Variants in LIPJ observed in about 807,000 individuals in gnomAD.
LIPJ encodes lipase member J.
In LIPJ, 33 loss-of-function variants were observed where a neutral mutation model predicts 39.8. The ratio of observed to expected loss-of-function variants is 0.83; its 90% CI spans 0.63 to 1.11. The LOEUF (loss-of-function observed/expected upper bound fraction) is 1.11, where lower values mean the gene tolerates loss of function less well. Ranked by LOEUF, LIPJ falls within the 50% of genes least tolerant of loss-of-function variation. The probability of loss-of-function intolerance (pLI) is 0.00; values close to 1 mark genes in which losing one functional copy is unlikely to be tolerated. For synonymous variants in LIPJ, 128 were observed against 139.2 expected (o/e 0.92, Z 0.57); for missense variants, 422 against 427.9 (o/e 0.99, Z 0.12).
intron 8 of LIPJ, among the ~76,000 whole-genome samples, chr10:88,599,009 A>T (rs924745309): frequency 1.4e-5 from 2 of 141,718 alleles, no homozygotes; most frequent in Admixed American, 1.4e-4. Flanking sequence ...TTATATTATA[A>T]TAATATATTA....
At chr10:88,603,321 C>T (rs887760188) in intron 9 of LIPJ, among the ~76,000 whole-genome samples, 2 of 152,254 alleles carry the variant, frequency 1.3e-5, no homozygotes, top group South Asian at 2.1e-4. Flanking sequence ...TACTCTGAAA[C>T]GCTTTCACTA....
rs12784152 is a variant in LIPJ at position 88,597,735 on chromosome 10, G to A, written c.723+799G>A. On this transcript the variant is annotated intron_variant, in intron 8 of 10. Transcript: ENST00000371939. The stretch of plus-strand genomic sequence containing the variant: ...GAATGCTATAAGAAACTCAGTTCTC[G>A]TCTTTTCCACCCATAAAGATATGAG... Among the ~76,000 whole-genome samples the A allele has an allele frequency of 3.6e-3, 553 of 151,932 alleles. 3 individuals are homozygous for A. Among genetic ancestry groups the A allele is most frequent in the Non-Finnish European group, 5.9e-3 (401 of 67,860 alleles).
Position 88,590,570 on chromosome 10 carries a change from C to A in LIPJ, c.-103-15C>A, listed in dbSNP as rs1043239438. ...TGCAATTTTAACTGTATAAACATCT[C>A]CCTTTTATATATAGGTCCCAAACGT... On this transcript the variant is annotated splice_polypyrimidine_tract_variant and intron_variant, in intron 2 of 10. Transcript: ENST00000371939. 2 of 768,216 alleles carry A rather than the reference C, an allele frequency of 2.6e-6. No homozygotes were observed. The highest frequency in any genetic ancestry group is 5.1e-5 in the East Asian group (2 of 39,148). 47.6% of individuals were successfully genotyped at this position (768,216 alleles called of 1,614,324 possible).
chr10:88,583,230 G>C (rs112741258), upstream of LIPJ: 4 of 1,608,902 alleles, frequency 2.5e-6, no homozygotes, highest in Non-Finnish European at 8.5e-7. Context: ...TCTCTGCGGC[G>C]GGGCCGTTCG....
intron 2 of LIPJ, among the ~76,000 whole-genome samples, chr10:88,589,975 A>G (rs918913554): frequency 1.3e-5 from 2 of 151,692 alleles, no homozygotes; most frequent in African/African-American, 4.8e-5. Context: ...CTTATTATAC[A>G]AGGCTCATAA....
the LIPJ span, among the ~76,000 whole-genome samples, chr10:88,619,160 G>T: frequency 6.1e-5 from 9 of 146,980 alleles, no homozygotes; most frequent in African/African-American, 2.0e-4. Context: ...CCCCTTCCAC[G>T]CTGTGGAAGC....
chr10:88,599,965 T>C lies in LIPJ; in HGVS notation c.724-2611T>C, dbSNP rs981879880. On this transcript the variant is annotated intron_variant, in intron 8 of 10. Transcript: ENST00000371939. Reference sequence around the variant, plus strand: ...TTTGTTTGTCCTATCTGGTATTCTTTTTATTTCACATTTCTTGACTACTTT... The same window carrying C: ...TTTGTTTGTCCTATCTGGTATTCTTCTTATTTCACATTTCTTGACTACTTT... 1.1e-4 allele frequency among the ~76,000 whole-genome samples: 17 copies of C among 152,102 alleles called. No individual in the cohort carries two copies. The South Asian group carries it at 3.5e-3, about 32-fold the overall frequency.
At chr10:88,612,782 A>C in the LIPJ span, among the ~76,000 whole-genome samples, 1 of 152,162 alleles carries the variant, frequency 6.6e-6, no homozygotes, top group Non-Finnish European at 1.5e-5. Flanking sequence ...CAACACAATA[A>C]TAATGGGGAA....
intron 2 of LIPJ, 69 bp from the exon 3 acceptor site, chr10:88,590,516 G>A: frequency 1.9e-6 from 1 of 521,212 alleles, no homozygotes; most frequent in Non-Finnish European, 3.5e-6. Flanking sequence ...AGAATTATTG[G>A]CTGCAGTTTT....
rs1590077893 is a variant in LIPJ, at chr10:88,594,036, T to A, written c.221T>A (p.Ile74Asn). ...CTTCCCAACAATAGTCTGGGCTTCATTCTGGCAGATGCTGGTTATGATGTG... is the reference window on the plus strand; with the variant it reads ...CTTCCCAACAATAGTCTGGGCTTCAATCTGGCAGATGCTGGTTATGATGTG... The change falls in exon 5 of 11, where the codon ATT becomes AAT. Residue 74 changes from isoleucine (I) to asparagine (N), a missense_variant. Physicochemically the swap from Ile to Asn is moderately radical, Grantham distance 149. Coordinates refer to ENST00000371939, the Ensembl canonical transcript of LIPJ. The A allele has an allele frequency of 2.5e-6, 4 of 1,612,340 alleles. No individual in the cohort carries two copies. The East Asian group carries it at 8.9e-5, about 36-fold the overall frequency.
At chr10:88,613,798 A>ATATATATATATG in the LIPJ span, among the ~76,000 whole-genome samples, 5 of 52,042 alleles carry the variant, frequency 9.6e-5, no homozygotes, top group Non-Finnish European at 1.2e-4. Flanking sequence ...ATATATATAT[A>ATATATATATATG]TATGTGTGTG....
At chr10:88,604,985 A>G (rs1187615749) in intron 9 of LIPJ, among the ~76,000 whole-genome samples, 1 of 152,190 alleles carries the variant, frequency 6.6e-6, no homozygotes, top group African/African-American at 2.4e-5. Context: ...TGGCTAAACA[A>G]AGCTGAAAAG....
chr10:88,583,216 T>C (rs551138840), upstream of LIPJ: 31 of 1,612,610 alleles, frequency 1.9e-5, no homozygotes, highest in Admixed American at 3.2e-4. Context: ...CGATCCGCGC[T>C]GAGTCTCTGC....
At chr10:88,586,540 C>T (rs973922664), upstream of LIPJ, among the ~76,000 whole-genome samples, 3 of 152,110 alleles carry the variant, frequency 2.0e-5, no homozygotes, top group Non-Finnish European at 4.4e-5. Flanking sequence ...ACCACTTGAC[C>T]TAAAATAGCC....
chr10:88,596,936 G>T, exon 8 of LIPJ: 1 of 1,443,968 alleles, frequency 6.9e-7, no homozygotes. Flanking sequence ...ACTTAAATAT[G>T]GTAAGAACAA....
chr10:88,614,805 C>G, the LIPJ span, among the ~76,000 whole-genome samples: 1 of 152,138 alleles, frequency 6.6e-6, no homozygotes, highest in South Asian at 2.1e-4. Context: ...TATAAAATTA[C>G]AGTACTTAAG....
chr10:88,591,373 T>C lies in LIPJ; in HGVS notation c.10-5T>C, dbSNP rs1316507990. On this transcript the variant is annotated splice_polypyrimidine_tract_variant and splice_region_variant and intron_variant, in intron 3 of 10. Coordinates refer to ENST00000371939, the Ensembl canonical transcript of LIPJ. The stretch of plus-strand genomic sequence containing the variant: ...TGCTAAAAGATTTGCTTTTTCTTTA[T>C]CTAGAGCCAGATTATTTCCTACTGG... 1 of 1,586,038 alleles carries C rather than the reference T, an allele frequency of 6.3e-7. No individual in the cohort carries two copies. The highest frequency in any genetic ancestry group is 8.6e-7 in the Non-Finnish European group (1 of 1,167,850).
At chr10:88,594,022 T>A (rs772819239) in exon 5 of LIPJ, 4 of 1,612,254 alleles carry the variant, frequency 2.5e-6, no homozygotes, top group Non-Finnish European at 8.5e-7. Flanking sequence ...TTCCCAACAA[T>A]AGTCTGGGCT....
the LIPJ span, among the ~76,000 whole-genome samples, chr10:88,616,485 T>C: frequency 6.6e-6 from 1 of 152,244 alleles, no homozygotes; most frequent in Admixed American, 6.5e-5. Flanking sequence ...TCGAGCTCAG[T>C]TGGCGCCGAG....
Sources: allele counts gnomAD v4.1 joint callset (sites outside exome capture counted in the v4.1 genomes callset), GRCh38; gene constraint gnomAD v4.1.1; transcripts MANE v1.5; gene names NCBI Gene and HGNC (gene_info 2026-07-23, HGNC 2026-07-21).